Variants in MIPEP observed in about 807,000 individuals in gnomAD.
MIPEP encodes the protein mitochondrial intermediate peptidase.
A neutral mutation model predicts 90.3 loss-of-function variants in MIPEP; 79 were observed. That is an observed-to-expected ratio of 0.87 (90% CI 0.73 to 1.05). The LOEUF (loss-of-function observed/expected upper bound fraction) is 1.05, where lower values mean the gene tolerates loss of function less well. Among genes scored for constraint, MIPEP ranks in the 50% least tolerant of loss-of-function variants. MIPEP has a pLI of 0.00. For missense variants in MIPEP, 940 were observed against 905.6 expected, an observed-to-expected ratio of 1.04 and a Z score of -0.49; for synonymous variants, 334 against 315.8, an observed-to-expected ratio of 1.06 and a Z score of -0.61.
intron 5 of MIPEP, among the ~76,000 whole-genome samples, chr13:23,870,540 C>T (rs1348088036): frequency 6.6e-6 from 1 of 152,122 alleles, no homozygotes; most frequent in Non-Finnish European, 1.5e-5. Flanking sequence ...TGCAGTGACT[C>T]ACGCCTGTAA....
At position 23,750,560 on chromosome 13, in the gene MIPEP, A is replaced by G. The variant is rs191726245; in HGVS notation, c.2044+5985T>C. Among the ~76,000 whole-genome samples, 16 of 152,298 alleles carry G rather than the reference A, an allele frequency of 1.1e-4. No homozygotes were observed. In the East Asian group the frequency reaches 2.7e-3, roughly 26 times the overall value. ...TATATCAAGGATGCATACTGTCCAC[A>G]TGACGCATCACTGATGCTGACCTTG... On this transcript the variant is annotated intron_variant, in intron 18 of 18. Transcript: ENST00000382172.
At chr13:23,792,107 T>C (rs200442787) in intron 16 of MIPEP, among the ~76,000 whole-genome samples, 1 of 151,860 alleles carries the variant, frequency 6.6e-6, no homozygotes, top group Admixed American at 6.6e-5. Flanking sequence ...CTCCTCACTG[T>C]CCCCGCCTCT....
chr13:23,776,669 T>C (rs1313586722), intron 16 of MIPEP, among the ~76,000 whole-genome samples: 3 of 152,154 alleles, frequency 2.0e-5, no homozygotes, highest in Middle Eastern at 3.2e-3. Context: ...AAAACATCTC[T>C]ATCGGAAAAA....
At chr13:23,865,164 T>G (rs901746973) in intron 7 of MIPEP, among the ~76,000 whole-genome samples, 11 of 152,204 alleles carry the variant, frequency 7.2e-5, no homozygotes, top group Non-Finnish European at 1.3e-4. Flanking sequence ...AGGAAATGTT[T>G]TGCAAGTATT....
At chr13:23,863,303 G>A (rs1289073288) in intron 8 of MIPEP, among the ~76,000 whole-genome samples, 1 of 152,170 alleles carries the variant, frequency 6.6e-6, no homozygotes, top group Non-Finnish European at 1.5e-5. Flanking sequence ...TATGATCGAA[G>A]GCACTGAGCA....
chr13:23,881,600 G>A lies in MIPEP; in HGVS notation c.452+99C>T, dbSNP rs573989240. ...ACACACACCTCCCACCCTGCTGGGT[G>A]AGGGACAAGCGCTATGGACAAAACT... On this transcript the variant is annotated intron_variant, in intron 3 of 18. Transcript: ENST00000382172. The A allele has an allele frequency of 4.7e-5, 48 of 1,012,216 alleles. No homozygotes were observed. In the Admixed American group the frequency reaches 6.6e-4, roughly 14 times the overall value. 62.7% of individuals were successfully genotyped at this position (1,012,216 alleles called of 1,614,324 possible).
At chr13:23,854,915 A>C (rs962953893) in intron 10 of MIPEP, among the ~76,000 whole-genome samples, 2 of 151,522 alleles carry the variant, frequency 1.3e-5, no homozygotes, top group Non-Finnish European at 2.9e-5. Flanking sequence ...AAAAAACAAT[A>C]AACAAACAAA....
At chr13:23,800,842 G>A (rs2137392045) in intron 16 of MIPEP, among the ~76,000 whole-genome samples, 1 of 152,302 alleles carries the variant, frequency 6.6e-6, no homozygotes, top group South Asian at 2.1e-4. Context: ...CATAATGTTT[G>A]TTAGCATATT....
At chr13:23,752,476 T>C (rs1952451869) in intron 18 of MIPEP, among the ~76,000 whole-genome samples, 1 of 152,232 alleles carries the variant, frequency 6.6e-6, no homozygotes, top group African/African-American at 2.4e-5. Flanking sequence ...TAATGGAAAC[T>C]GAACCTTAGA....
chr13:23,772,577 T>C (rs1182640478), intron 16 of MIPEP, among the ~76,000 whole-genome samples: 1 of 152,234 alleles, frequency 6.6e-6, no homozygotes, highest in Non-Finnish European at 1.5e-5. Flanking sequence ...AGAAGCTCTG[T>C]AAGAGCTTTC....
At chr13:23,883,809 G>A (rs2137540137) in intron 2 of MIPEP, among the ~76,000 whole-genome samples, 1 of 152,258 alleles carries the variant, frequency 6.6e-6, no homozygotes, top group Admixed American at 6.5e-5. Flanking sequence ...GGTGAACAGG[G>A]TATGAAACCT....
intron 18 of MIPEP, among the ~76,000 whole-genome samples, chr13:23,744,824 A>C (rs1536299): frequency 0.2 from 30,027 of 152,156 alleles, 3,551 homozygotes; most frequent in East Asian, 0.42. Flanking sequence ...TTAGAAAATC[A>C]ATACACAGGC....
At chr13:23,766,629 A>G (rs1479505134) in intron 16 of MIPEP, among the ~76,000 whole-genome samples, 2 of 152,202 alleles carry the variant, frequency 1.3e-5, no homozygotes, top group Non-Finnish European at 2.9e-5. Context: ...GCATCACTGG[A>G]GACTAGTGCT....
intron 18 of MIPEP, among the ~76,000 whole-genome samples, chr13:23,736,225 C>A (rs921256491): frequency 2.0e-5 from 3 of 151,944 alleles, no homozygotes; most frequent in African/African-American, 7.3e-5. Context: ...CTCAAACAGG[C>A]AATAACTTTA....
intron 7 of MIPEP, among the ~76,000 whole-genome samples, chr13:23,866,290 T>G (rs900246674): frequency 6.6e-6 from 1 of 152,236 alleles, no homozygotes; most frequent in Non-Finnish European, 1.5e-5. Flanking sequence ...ATTATTTATC[T>G]TTTTATATGC....
intron 16 of MIPEP, among the ~76,000 whole-genome samples, chr13:23,770,578 G>T (rs570912608): frequency 6.6e-4 from 101 of 151,880 alleles, no homozygotes; most frequent in Non-Finnish European, 1.3e-3. Context: ...GCTCAATCAG[G>T]GCCTAACTCC....
rs187700779 is a variant in MIPEP, at chr13:23,763,772, C to T, written c.1849-3555G>A. 5.3e-5 allele frequency among the ~76,000 whole-genome samples: 8 copies of T among 152,290 alleles called. No homozygotes were observed. The East Asian group carries it at 1.3e-3, about 26-fold the overall frequency. On this transcript the variant is annotated intron_variant, in intron 16 of 18. Coordinates refer to ENST00000382172, the MANE Select transcript of MIPEP (RefSeq NM_005932.4). ...CAGGTCTTCTGGCACACACATGCCC[C>T]GTTGTGTCTTGCTCTTTAATTACAG...
At chr13:23,846,005 G>A (rs536309357) in intron 10 of MIPEP, among the ~76,000 whole-genome samples, 1 of 150,860 alleles carries the variant, frequency 6.6e-6, no homozygotes, top group East Asian at 1.9e-4. Context: ...ACCTCCACCT[G>A]CTGGGTTCAA....
At chr13:23,780,083 G>A (rs1310369273) in intron 16 of MIPEP, among the ~76,000 whole-genome samples, 2 of 152,238 alleles carry the variant, frequency 1.3e-5, no homozygotes, top group African/African-American at 2.4e-5. Context: ...AAATGTCCCT[G>A]TCTGACAGCT....
Sources: gnomAD v4.1 joint callset for allele counts (sites outside exome capture counted in the v4.1 genomes callset) on GRCh38, gnomAD v4.1.1 for gene constraint, MANE v1.5 for transcripts, NCBI Gene and HGNC (gene_info 2026-07-23, HGNC 2026-07-21) for gene names.